The following SHANK1 variants were observed in gnomAD, a reference collection of about 807,000 sequenced individuals.
The protein encoded by SHANK1 is SH3 and multiple ankyrin repeat domains protein 1.
A neutral mutation model predicts 165.6 loss-of-function variants in SHANK1; 35 were observed. That is an observed-to-expected ratio of 0.21 (90% confidence interval 0.16 to 0.28). SHANK1 has a LOEUF of 0.28. Ranked by LOEUF, SHANK1 falls within the 10% of genes least tolerant of loss-of-function variation. The pLI is 1.00. For missense variants in SHANK1, 2,681 were observed against 3,036.4 expected, an observed-to-expected ratio of 0.88 and a Z score of 2.75; for synonymous variants, 1,428 against 1,384.8, an observed-to-expected ratio of 1.03 and a Z score of -0.69.
chr19:50,686,365 G>C lies in SHANK1; in HGVS notation c.2459-10C>G, dbSNP rs1197402723. The C allele has an allele frequency of 4.5e-6, 7 of 1,561,604 alleles. No individual in the cohort carries two copies. The highest frequency in any genetic ancestry group is 6.1e-6 in the Non-Finnish European group (7 of 1,144,182). ...ATTTCGTCCAGTTTGTCTAGGGGTA[G>C]ATGAATGAACAGAGGTGGGAAGACA... is the stretch of plus-strand genomic sequence containing the variant. On this transcript the variant is annotated splice_polypyrimidine_tract_variant and intron_variant, in intron 20 of 23. Transcript: ENST00000293441. The surrounding 1 kb of genome is among the most constrained non-coding windows in gnomAD (Gnocchi z 5.7).
In SHANK1 at chr19:50,716,734, CAT is replaced by C; in HGVS notation, c.184_185del (p.Met62ValfsTer84). The C allele has an allele frequency of 6.2e-7, 1 of 1,608,008 alleles. No homozygotes were observed. The highest frequency in any genetic ancestry group is 8.5e-7 in the Non-Finnish European group (1 of 1,177,170). On this transcript the variant is annotated frameshift_variant, in exon 2 of 24. Coordinates refer to ENST00000293441, the MANE Select transcript of SHANK1 (RefSeq NM_016148.5). LOFTEE classifies it high-confidence loss of function. The surrounding 1 kb of genome is among the most constrained non-coding windows in gnomAD (Gnocchi z 8.4). ...TGAAGTGGGCGTCGTCTGGGACGGACATTGAGCGGCCCTGGAGGCCTCTAACA... is the reference window on the plus strand; with the variant it reads ...TGAAGTGGGCGTCGTCTGGGACGGACTGAGCGGCCCTGGAGGCCTCTAACA... Reference protein sequence around the residue: ...ASVRGLQGRSMSVPDDAHFSM... With the variant: ...ASVRGLQGRSXSVPDDAHFSM...
rs1403996127 is a variant in SHANK1, at chr19:50,711,499, A to G, written c.961-12T>C. The G allele has an allele frequency of 1.3e-6, 2 of 1,557,076 alleles. No individual in the cohort carries two copies. Among genetic ancestry groups the G allele is most frequent in the Admixed American group, 1.8e-5 (1 of 54,264 alleles). On this transcript the variant is annotated splice_polypyrimidine_tract_variant and intron_variant, in intron 7 of 23. Coordinates refer to ENST00000293441, the MANE Select transcript of SHANK1 (RefSeq NM_016148.5). ...CCCCGCTGGCAGGCCTGGGCAGGAC[A>G]GGGAGCGAGGGGCATGGATCAGACC...
intron 23 of SHANK1, among the ~76,000 whole-genome samples, chr19:50,665,590 A>AAAG (rs1568425854): frequency 2.2e-5 from 3 of 135,274 alleles, no homozygotes; most frequent in African/African-American, 2.7e-5. Context: ...AAAAAAAAAA[A>AAAG]AAGAAGAAGA....
intron 23 of SHANK1, among the ~76,000 whole-genome samples, chr19:50,663,658 A>G (rs1985359489): frequency 6.6e-6 from 1 of 151,502 alleles, no homozygotes; most frequent in South Asian, 2.1e-4. Context: ...CCAGAAGGGC[A>G]CTCTGCACAC....
chr19:50,669,137 G>C lies in SHANK1; in HGVS notation c.2823C>G (p.Ser941=), dbSNP rs1228666999. Residue 941 remains serine (S), a synonymous_variant, in exon 23 of 24, where the codon TCC becomes TCG. Coordinates refer to ENST00000293441, the MANE Select transcript of SHANK1 (RefSeq NM_016148.5). Reference sequence around the variant, plus strand: ...GAGGGGAGGGGGTGAGGCGCCCTGAGGAGGAGGGGACTGGAGGTGTGCTGT... The same window carrying C: ...GAGGGGAGGGGGTGAGGCGCCCTGACGAGGAGGGGACTGGAGGTGTGCTGT... ...PPYSTPPVPS[S]SGRLTPSPRG... 1.9e-6 allele frequency: 3 copies of C among 1,555,640 alleles called. No individual in the cohort carries two copies.
intron 15 of SHANK1, 104 bp downstream of exon 15, chr19:50,696,992 A>T: frequency 1.1e-6 from 1 of 949,836 alleles, no homozygotes; most frequent in African/African-American, 1.6e-5. Context: ...ACGTTCACAC[A>T]CCAAGAAACC....
At chr19:50,694,568 C>A (rs1986662381) in intron 15 of SHANK1, among the ~76,000 whole-genome samples, 1 of 99,590 alleles carries the variant, frequency 1.0e-5, no homozygotes, top group South Asian at 3.4e-4. Flanking sequence ...AGGGGGCCTG[C>A]TGGGAGGAAG....
Position 50,702,399 on chromosome 19 carries a change from T to C in SHANK1, c.1747+68A>G. 1.4e-6 allele frequency: 2 copies of C among 1,420,016 alleles called. No homozygotes were observed. Among genetic ancestry groups the C allele is most frequent in the South Asian group, 1.3e-5 (1 of 74,800 alleles). 88.0% of individuals were successfully genotyped at this position (1,420,016 alleles called of 1,614,324 possible). A position where few individuals can be genotyped will look rare whatever the true frequency, so the allele number is the denominator to read the frequency against. On this transcript the variant is annotated intron_variant, in intron 12 of 23. Transcript: ENST00000293441. The surrounding 1 kb of genome is among the most constrained non-coding windows in gnomAD (Gnocchi z 5.3). The stretch of plus-strand genomic sequence containing the variant: ...AGGTGCCCGAGAATGGTCTGCTCTC[T>C]GCTCCACATTTTCCCTGATCGCCCC...
chr19:50,686,571 G>T lies in SHANK1; in HGVS notation c.2458+173C>A, dbSNP rs1986344900. Among the ~76,000 whole-genome samples, 1 of 152,128 alleles carries T rather than the reference G, an allele frequency of 6.6e-6. No individual in the cohort carries two copies. Among genetic ancestry groups the T allele is most frequent in the South Asian group, 2.1e-4 (1 of 4,828 alleles). On this transcript the variant is annotated intron_variant, in intron 20 of 23. Coordinates refer to ENST00000293441, the MANE Select transcript of SHANK1 (RefSeq NM_016148.5). The surrounding 1 kb of genome is among the most constrained non-coding windows in gnomAD (Gnocchi z 5.7). ...GCACCCAGGGTGGGAAGGGGTGCGG[G>T]CAGGGAACGGGGCAGCCGTCGGGAG...
rs1986794859 is a variant in SHANK1, at chr19:50,697,965, G to A, written c.1748-9C>T. 6.3e-7 allele frequency: 1 copy of A among 1,589,942 alleles called. No homozygotes were observed. The highest frequency in any genetic ancestry group is 8.6e-7 in the Non-Finnish European group (1 of 1,158,982). ...TTCCCCGATGCTAAGTACTGGATGG[G>A]GAACGGGGACATAGAGACATTTCTG... On this transcript the variant is annotated splice_polypyrimidine_tract_variant and intron_variant, in intron 12 of 23. Transcript: ENST00000293441. The surrounding 1 kb of genome is among the most constrained non-coding windows in gnomAD (Gnocchi z 4.7).
At chr19:50,698,195 AT>A (rs1219048716) in intron 12 of SHANK1, among the ~76,000 whole-genome samples, 1 of 152,154 alleles carries the variant, frequency 6.6e-6, no homozygotes, top group Non-Finnish European at 1.5e-5. Context: ...GTTCCATAAC[AT>A]GGTCTTCCTA....
chr19:50,715,980 A>G (rs1467349300), intron 3 of SHANK1, among the ~76,000 whole-genome samples: 1 of 152,176 alleles, frequency 6.6e-6, no homozygotes, highest in African/African-American at 2.4e-5. Flanking sequence ...TCTGGACCCC[A>G]CAGGGAATGT....
At position 50,716,802 on chromosome 19, in the gene SHANK1, T is replaced by C. The variant is rs1307563282; in HGVS notation, c.118A>G (p.Thr40Ala). 2 of 1,591,816 alleles carry C rather than the reference T, an allele frequency of 1.3e-6. No homozygotes were observed. The highest frequency in any genetic ancestry group is 1.8e-5 in the Admixed American group (1 of 54,534). ...PDGPGRGPRG[T>A]RGQGSGAPGS... ...GGTGCCCCACTGCCCTGGCCCCGGG[T>C]CCCCCGGGGGCCTCGACCTGGCCCG... The change falls in exon 2 of 24, where the codon ACC becomes GCC. Residue 40 changes from threonine (T) to alanine (A), a missense_variant. By Grantham distance (58) the Thr-to-Ala change is moderately conservative. This residue lies in a region of SHANK1 where 118 missense variants were observed against 106.9 expected (regional missense o/e 1.10). Coordinates refer to ENST00000293441, the MANE Select transcript of SHANK1 (RefSeq NM_016148.5). The surrounding 1 kb of genome is among the most constrained non-coding windows in gnomAD (Gnocchi z 8.4).
intron 15 of SHANK1, among the ~76,000 whole-genome samples, chr19:50,692,130 G>A (rs1254839493): frequency 3.9e-5 from 6 of 152,012 alleles, no homozygotes; most frequent in Non-Finnish European, 5.9e-5. Flanking sequence ...CCACAGCACC[G>A]AAATACCTTG....
chr19:50,685,495 G>A (rs1259390760), intron 21 of SHANK1, among the ~76,000 whole-genome samples: 7 of 152,128 alleles, frequency 4.6e-5, no homozygotes, highest in Admixed American at 2.6e-4. Flanking sequence ...GGGCTGAGGC[G>A]GGCAGATCAC....
In SHANK1 at chr19:50,698,611, C is replaced by T. The variant is rs111245006; in HGVS notation, c.1748-655G>A. The stretch of plus-strand genomic sequence containing the variant: ...GAAAAACAGAGATATATGACAAGAA[C>T]AGCTAATGCGTATCCAACTCTCACC... On this transcript the variant is annotated intron_variant, in intron 12 of 23. Coordinates refer to ENST00000293441, the MANE Select transcript of SHANK1 (RefSeq NM_016148.5). Among the ~76,000 whole-genome samples the T allele has an allele frequency of 1.9e-3, 280 of 144,380 alleles. 3 individuals carry two copies. Among genetic ancestry groups the T allele is most frequent in the African/African-American group, 6.4e-3 (252 of 39,572 alleles). 94.7% of individuals were successfully genotyped at this position (144,380 alleles called of 152,430 possible). A position where few individuals can be genotyped will look rare whatever the true frequency, so the allele number is the denominator to read the frequency against.
At chr19:50,704,249 A>ACCTCGCC in intron 9 of SHANK1, 63 bp from the exon 10 acceptor site, 1 of 1,550,902 alleles carries the variant, frequency 6.4e-7, no homozygotes, top group Non-Finnish European at 8.9e-7. Context: ...GAGGGCAGGG[A>ACCTCGCC]ACGTGGCGAG....
chr19:50,703,565 C>G lies in SHANK1; in HGVS notation c.1488G>C (p.Arg496Ser), dbSNP rs1394566495. 6.4e-7 allele frequency: 1 copy of G among 1,554,908 alleles called. No individual in the cohort carries two copies. The highest frequency in any genetic ancestry group is 8.7e-7 in the Non-Finnish European group (1 of 1,154,438). Residue 496 changes from arginine to serine, a missense_variant, in exon 11 of 24, where the codon AGG becomes AGC. By Grantham distance (110) the Arg-to-Ser change is moderately radical. This residue lies in a region of SHANK1 where 195 missense variants were observed against 186.2 expected (regional missense o/e 1.05). Coordinates refer to ENST00000293441, the MANE Select transcript of SHANK1 (RefSeq NM_016148.5). Reference sequence around the variant, plus strand: ...GCCTCCCTCGGGATGGAGAGCGGGCCCTGGCACCCCGGGGGCTGCTGGCAC... The same window carrying G: ...GCCTCCCTCGGGATGGAGAGCGGGCGCTGGCACCCCGGGGGCTGCTGGCAC... ...LRSASSPRGA[R>S]ARSPSRGRHP...
Position 50,667,139 on chromosome 19 carries a change from G to C in SHANK1, c.4821C>G (p.Pro1607=). The C allele has an allele frequency of 6.4e-7, 1 of 1,555,276 alleles. No homozygotes were observed. Among genetic ancestry groups the C allele is most frequent in the Non-Finnish European group, 8.6e-7 (1 of 1,156,894 alleles). ...APATPLPPVP[P]PAVAAAPPTL... The stretch of plus-strand genomic sequence containing the variant: ...TGGGAGGGGCTGCGGCCACAGCCGG[G>C]GGTGGCACAGGGGGTAACGGGGTGG... The change falls in exon 23 of 24, where the codon CCC becomes CCG. Residue 1607 remains proline, a synonymous_variant. Coordinates refer to ENST00000293441, the MANE Select transcript of SHANK1 (RefSeq NM_016148.5). This position sits in a 1 kb window ranked among gnomAD's most constrained non-coding sequence, Gnocchi z 5.7.
Sources: allele counts gnomAD v4.1 joint callset (sites outside exome capture counted in the v4.1 genomes callset), GRCh38; gene constraint gnomAD v4.1.1; regional missense constraint gnomAD v4.1.1; non-coding constraint Gnocchi (gnomAD v3.1); transcripts MANE v1.5; gene names NCBI Gene and HGNC (gene_info 2026-07-23, HGNC 2026-07-21).